SHOC2: variants seen among roughly 807,000 people sequenced by gnomAD.
SHOC2 encodes the protein leucine-rich repeat protein SHOC-2.
A neutral mutation model predicts 50.2 loss-of-function variants in SHOC2; 4 were observed. The observed-to-expected ratio is 0.08, with a 90% CI of 0.04 to 0.18. The LOEUF (loss-of-function observed/expected upper bound fraction) is 0.18, where lower values mean the gene tolerates loss of function less well. Among genes scored for constraint, SHOC2 ranks in the 10% least tolerant of loss-of-function variants. SHOC2 has a pLI of 1.00. For missense variants in SHOC2, 388 were observed against 669.6 expected (o/e 0.58, Z 4.64); for synonymous variants, 218 against 244.5 (o/e 0.89, Z 1.01).
chr10:110,988,291 A>T (rs984257350), intron 3 of SHOC2, among the ~76,000 whole-genome samples: 1 of 152,016 alleles, frequency 6.6e-6, no homozygotes, highest in Non-Finnish European at 1.5e-5. Flanking sequence ...TCTTCCTTTA[A>T]TATTTGATAA....
intron 2 of SHOC2, among the ~76,000 whole-genome samples, chr10:110,976,003 C>T (rs749017709): frequency 4.7e-4 from 71 of 152,088 alleles, no homozygotes; most frequent in African/African-American, 1.6e-3. Context: ...CTCTGCCTCA[C>T]GGGTTCAAGT....
At chr10:110,942,414 C>T (rs375194534) in intron 1 of SHOC2, among the ~76,000 whole-genome samples, 3 of 152,060 alleles carry the variant, frequency 2.0e-5, no homozygotes, top group Non-Finnish European at 4.4e-5. Flanking sequence ...GTGGCTCAGT[C>T]GTAGCTCACT....
At chr10:110,965,448 T>A (rs1847654597) in intron 2 of SHOC2, among the ~76,000 whole-genome samples, 2 of 152,200 alleles carry the variant, frequency 1.3e-5, no homozygotes, top group Non-Finnish European at 1.5e-5. Context: ...CTCTGACTTT[T>A]CCACCTTTAT....
intron 1 of SHOC2, among the ~76,000 whole-genome samples, chr10:110,933,908 C>T (rs1478672758): frequency 6.6e-6 from 1 of 151,820 alleles, no homozygotes; most frequent in African/African-American, 2.4e-5. Context: ...TTGTGAGGCT[C>T]CCAAAGATTA....
chr10:110,949,760 A>T (rs1847315310), intron 1 of SHOC2, among the ~76,000 whole-genome samples: 1 of 152,236 alleles, frequency 6.6e-6, no homozygotes, highest in Non-Finnish European at 1.5e-5. Context: ...TATCCCAGGG[A>T]TGCAAGGATG....
chr10:110,983,290 A>G (rs1455103716), intron 2 of SHOC2, among the ~76,000 whole-genome samples: 1 of 152,032 alleles, frequency 6.6e-6, no homozygotes, highest in African/African-American at 2.4e-5. Context: ...TCTTATATTT[A>G]CATTATTCTC....
chr10:110,941,410 C>T (rs954625365), intron 1 of SHOC2, among the ~76,000 whole-genome samples: 1 of 152,070 alleles, frequency 6.6e-6, no homozygotes, highest in African/African-American at 2.4e-5. Context: ...TGGCTCACTG[C>T]AACCTCCGCC....
chr10:111,006,591 C>T (rs998642111), intron 5 of SHOC2, among the ~76,000 whole-genome samples: 2 of 152,232 alleles, frequency 1.3e-5, no homozygotes, highest in East Asian at 1.9e-4. Flanking sequence ...GGGATGGTCT[C>T]GATCTCCTGA....
chr10:110,940,706 G>A (rs754516740), intron 1 of SHOC2, among the ~76,000 whole-genome samples: 1 of 151,882 alleles, frequency 6.6e-6, no homozygotes. Context: ...TTATTTAATG[G>A]TTTTCTGTTG....
intron 1 of SHOC2, among the ~76,000 whole-genome samples, chr10:110,962,893 T>C (rs1356951804): frequency 6.6e-6 from 1 of 152,214 alleles, no homozygotes; most frequent in Non-Finnish European, 1.5e-5. Context: ...CCTGAGGATT[T>C]AATAATATGC....
At chr10:111,009,448 T>A (rs1848528685) in intron 7 of SHOC2, 63 bp downstream of exon 7, 3 of 1,363,682 alleles carry the variant, frequency 2.2e-6, no homozygotes, top group Non-Finnish European at 2.1e-6. Flanking sequence ...AATTCCACAT[T>A]TCTCTTAAGA....
intron 3 of SHOC2, among the ~76,000 whole-genome samples, chr10:110,997,509 A>G (rs1239294533): frequency 6.7e-6 from 1 of 150,190 alleles, no homozygotes; most frequent in East Asian, 2.1e-4. Flanking sequence ...AATCATACAA[A>G]ATGCACAATT....
intron 1 of SHOC2, among the ~76,000 whole-genome samples, chr10:110,928,096 C>T (rs1846812346): frequency 6.6e-6 from 1 of 152,094 alleles, no homozygotes; most frequent in Non-Finnish European, 1.5e-5. Flanking sequence ...GCGGGTGGGT[C>T]ACCTGAGGTC....
chr10:110,973,936 C>G (rs1012447916), intron 2 of SHOC2, among the ~76,000 whole-genome samples: 3 of 150,880 alleles, frequency 2.0e-5, no homozygotes, highest in Non-Finnish European at 3.0e-5. Context: ...TAATTTGGGC[C>G]TTCTCTCTTT....
chr10:110,998,522 T>C (rs1383303265), intron 3 of SHOC2, among the ~76,000 whole-genome samples: 1 of 152,152 alleles, frequency 6.6e-6, no homozygotes, highest in Non-Finnish European at 1.5e-5. Context: ...TAAGTGGTAG[T>C]TTTTTATTGT....
intron 1 of SHOC2, among the ~76,000 whole-genome samples, chr10:110,963,772 G>T (rs1192898552): frequency 1.3e-5 from 2 of 152,110 alleles, no homozygotes; most frequent in African/African-American, 4.8e-5. Flanking sequence ...TAGGGCTGTT[G>T]TATGTGTTAT....
At position 110,964,442 on chromosome 10, in the gene SHOC2, A is replaced by G. The variant is rs753165612; in HGVS notation, c.84A>G (p.Ala28=). Residue 28 remains alanine (A), a synonymous_variant, in exon 2 of 9, where the codon GCA becomes GCG. Coordinates refer to ENST00000369452, the MANE Select transcript of SHOC2 (RefSeq NM_007373.4). The surrounding 1 kb of genome is among the most constrained non-coding windows in gnomAD (Gnocchi z 4.9). The stretch of plus-strand genomic sequence containing the variant: ...CAGCCAAGGAAAGAGAAAAGGAGGC[A>G]AAAGCCTCTGGAGGTTTTGGGAAAG... ...VPSAKEREKE[A]KASGGFGKES... 41 of 1,613,560 alleles carry G rather than the reference A, an allele frequency of 2.5e-5. No homozygotes were observed. The highest frequency in any genetic ancestry group is 8.5e-7 in the Non-Finnish European group (1 of 1,179,912).
intron 1 of SHOC2, among the ~76,000 whole-genome samples, chr10:110,958,358 T>C (rs1847507968): frequency 6.6e-6 from 1 of 151,948 alleles, no homozygotes; most frequent in Non-Finnish European, 1.5e-5. Context: ...GGACTACAGG[T>C]GTGCACCACC....
chr10:111,004,482 A>G lies in SHOC2; in HGVS notation c.973-124A>G. The G allele has an allele frequency of 7.0e-6, 5 of 709,886 alleles. No individual in the cohort carries two copies. In the Admixed American group the frequency reaches 1.1e-4, roughly 15 times the overall value. 44.0% of individuals were successfully genotyped at this position (709,886 alleles called of 1,614,324 possible). On this transcript the variant is annotated intron_variant, in intron 4 of 8. Transcript: ENST00000369452. ...GTAGAGAAGTGTCACAGACTGCCCC[A>G]ACCAGTCTCTGTCATTTGTCACCCC...
Sources: gnomAD v4.1 joint callset for allele counts (sites outside exome capture counted in the v4.1 genomes callset) on GRCh38, gnomAD v4.1.1 for gene constraint, Gnocchi (gnomAD v3.1) non-coding constraint, MANE v1.5 for transcripts, NCBI Gene and HGNC (gene_info 2026-07-23, HGNC 2026-07-21) for gene names.